Variants in NEURL1B observed in about 807,000 individuals in gnomAD.
NEURL1B encodes the protein neuralized E3 ubiquitin protein ligase 1B, also known as E3 ubiquitin-protein ligase NEURL1B.
Under a neutral mutation model 37.4 loss-of-function variants are expected in NEURL1B, and 13 were observed. The ratio of observed to expected loss-of-function variants is 0.35; its 90% confidence interval spans 0.23 to 0.55. The LOEUF (loss-of-function observed/expected upper bound fraction) is 0.55. Among genes scored for constraint, NEURL1B ranks in the 20% least tolerant of loss-of-function variants. The pLI, the probability that NEURL1B is intolerant of heterozygous loss-of-function variation, is 0.89. For synonymous variants in NEURL1B, 432 were observed against 426.6 expected (o/e 1.01, Z -0.16); for missense variants, 790 against 879.2 (o/e 0.90, Z 1.28).
chr5:172,687,245 T>C lies in NEURL1B; in HGVS notation c.*320T>C, dbSNP rs1758523369. 4.2e-6 allele frequency: 1 copy of C among 236,258 alleles called. No individual in the cohort carries two copies. Among genetic ancestry groups the C allele is most frequent in the Non-Finnish European group, 8.2e-6 (1 of 122,288 alleles). The allele number at this position is 236,258 out of a possible 1,614,324, so 14.6% of individuals were successfully genotyped here. A position where few individuals can be genotyped will look rare whatever the true frequency, so the allele number is the denominator to read the frequency against. The stretch of plus-strand genomic sequence containing the variant: ...TGCAATGCTTCTTGCTGGGGTTGGG[T>C]TGAGTGTGAGAGAAGGGGAGGGGAG... On this transcript the variant is annotated 3_prime_UTR_variant, in exon 5 of 5. Coordinates refer to ENST00000369800, the MANE Select transcript of NEURL1B (RefSeq NM_001142651.3).
Position 172,657,853 on chromosome 5 carries a change from C to G in NEURL1B, c.32-11932C>G, listed in dbSNP as rs1757824146. Among the ~76,000 whole-genome samples the G allele has an allele frequency of 6.6e-6, 1 of 152,216 alleles. No individual in the cohort carries two copies. Among genetic ancestry groups the G allele is most frequent in the Non-Finnish European group, 1.5e-5 (1 of 68,034 alleles). The stretch of plus-strand genomic sequence containing the variant: ...AATGGGCACACTCCTCGTCCACTTT[C>G]ATGTTCCTCCCATACTCCTGGTTCC... On this transcript the variant is annotated intron_variant, in intron 1 of 4. Transcript: ENST00000369800. The surrounding 1 kb of genome is among the most constrained non-coding windows in gnomAD (Gnocchi z 4.0).
In NEURL1B at chr5:172,687,200, G is replaced by T; in HGVS notation, c.*275G>T. On this transcript the variant is annotated 3_prime_UTR_variant, in exon 5 of 5. Coordinates refer to ENST00000369800, the MANE Select transcript of NEURL1B (RefSeq NM_001142651.3). ...TGTCCCTTGGTGACCTTTCAACTGG[G>T]AAACAGCGTCCTCTGTCTGTGCAAT... is the stretch of plus-strand genomic sequence containing the variant. The T allele has an allele frequency of 3.2e-6, 1 of 307,794 alleles. No individual in the cohort carries two copies. The highest frequency in any genetic ancestry group is 6.3e-6 in the Non-Finnish European group (1 of 158,312). The allele number at this position is 307,794 out of a possible 1,614,324, so 19.1% of individuals were successfully genotyped here. A position where few individuals can be genotyped will look rare whatever the true frequency, so the allele number is the denominator to read the frequency against.
At chr5:172,674,266 C>G (rs539341312) in intron 2 of NEURL1B, among the ~76,000 whole-genome samples, 1 of 152,274 alleles carries the variant, frequency 6.6e-6, no homozygotes, top group Non-Finnish European at 1.5e-5. Flanking sequence ...GCCCTCGAGC[C>G]AAAGTCTCAG....
chr5:172,686,328 G>C lies in NEURL1B; in HGVS notation c.1423+32G>C. ...AAATGCAAACCCTGGCAGGGGCAGG[G>C]GCTGGCGGCTGGCCTGGCTCCTCCG... On this transcript the variant is annotated intron_variant, in intron 4 of 4. Coordinates refer to ENST00000369800, the MANE Select transcript of NEURL1B (RefSeq NM_001142651.3). This position sits in a 1 kb window ranked among gnomAD's most constrained non-coding sequence, Gnocchi z 7.9. 6.5e-7 allele frequency: 1 copy of C among 1,548,948 alleles called. No individual in the cohort carries two copies. The highest frequency in any genetic ancestry group is 8.7e-7 in the Non-Finnish European group (1 of 1,145,454).
Position 172,683,412 on chromosome 5 carries a change from C to T in NEURL1B, c.578-7C>T, listed in dbSNP as rs1158665483. 4 of 1,342,108 alleles carry T rather than the reference C, an allele frequency of 3.0e-6. No individual in the cohort carries two copies. In the South Asian group the frequency reaches 7.0e-5, roughly 24 times the overall value. 83.1% of individuals were successfully genotyped at this position (1,342,108 alleles called of 1,614,324 possible). On this transcript the variant is annotated splice_region_variant and splice_polypyrimidine_tract_variant and intron_variant, in intron 2 of 4. Coordinates refer to ENST00000369800, the MANE Select transcript of NEURL1B (RefSeq NM_001142651.3). This position sits in a 1 kb window ranked among gnomAD's most constrained non-coding sequence, Gnocchi z 5.6. ...CCCCCTCCATGTCCCTCCCTTTGTC[C>T]GCACAGAGAGCGCCTTCGCTGACAC...
At chr5:172,649,320 C>A (rs115111659) in intron 1 of NEURL1B, among the ~76,000 whole-genome samples, 1 of 148,326 alleles carries the variant, frequency 6.7e-6, no homozygotes, top group Non-Finnish European at 1.5e-5. Flanking sequence ...GCCCATCTGC[C>A]GAACTCCTGC....
intron 1 of NEURL1B, among the ~76,000 whole-genome samples, chr5:172,648,131 C>G (rs539815552): frequency 4.6e-5 from 7 of 152,330 alleles, no homozygotes; most frequent in Admixed American, 3.3e-4. Context: ...GGAGTCCTTC[C>G]TTCTCGGGTC....
At chr5:172,642,206 G>A (rs1334436968) in intron 1 of NEURL1B, among the ~76,000 whole-genome samples, 1 of 152,182 alleles carries the variant, frequency 6.6e-6, no homozygotes, top group Non-Finnish European at 1.5e-5. Flanking sequence ...GCATACCCCA[G>A]CTCGGTATGC....
chr5:172,684,079 A>T lies in NEURL1B; in HGVS notation c.1238A>T (p.Gln413Leu). 7.6e-7 allele frequency: 1 copy of T among 1,314,744 alleles called. No homozygotes were observed. The highest frequency in any genetic ancestry group is 1.9e-5 in the South Asian group (1 of 51,756). The allele number at this position is 1,314,744 out of a possible 1,614,324, so 81.4% of individuals were successfully genotyped here. The change falls in exon 3 of 5, where the codon CAG becomes CTG. Residue 413 changes from glutamine (Q) to leucine (L), a missense_variant. Physicochemically the swap from Gln to Leu is moderately radical, Grantham distance 113. Coordinates refer to ENST00000369800, the MANE Select transcript of NEURL1B (RefSeq NM_001142651.3). ...RGRLLCVDTT[Q>L]ALWAFFAVRG... ...CGCCTGCTGTGCGTCGACACCACGC[A>T]GGCGCTCTGGGCCTTCTTCGCCGTG... is the stretch of plus-strand genomic sequence containing the variant.
chr5:172,677,377 GGTGCATCGTGATCCCACT>G (rs1758250579), intron 2 of NEURL1B, among the ~76,000 whole-genome samples: 1 of 152,134 alleles, frequency 6.6e-6, no homozygotes, highest in South Asian at 2.1e-4. Context: ...CACGGAGCTG[GGTGCATCGTGATCCCACT>G]GTTCTGCCCT....
At position 172,683,740 on chromosome 5, in the gene NEURL1B, G is replaced by A; in HGVS notation, c.899G>A (p.Cys300Tyr). ...CTGTCGGCCGACCGCAAAGTGGCCT[G>A]CGCACCGCGGCCCGACGGCGGCCGC... ...VSLSADRKVA[C>Y]APRPDGGRTL... is the part of the protein sequence containing the mutation. Residue 300 changes from cysteine to tyrosine, a missense_variant, in exon 3 of 5, where the codon TGC becomes TAC. This residue lies in a region of NEURL1B where 460 missense variants were observed against 407.4 expected (regional missense o/e 1.13). Coordinates refer to ENST00000369800, the MANE Select transcript of NEURL1B (RefSeq NM_001142651.3). The surrounding 1 kb of genome is among the most constrained non-coding windows in gnomAD (Gnocchi z 5.6). The A allele has an allele frequency of 7.5e-7, 1 of 1,330,110 alleles. No homozygotes were observed. The allele number at this position is 1,330,110 out of a possible 1,614,324, so 82.4% of individuals were successfully genotyped here. A position where few individuals can be genotyped will look rare whatever the true frequency, so the allele number is the denominator to read the frequency against.
intron 1 of NEURL1B, among the ~76,000 whole-genome samples, chr5:172,663,829 T>TTTTTATTATTATTATTATTATTATTA (rs138220033): frequency 7.1e-6 from 1 of 140,826 alleles, no homozygotes; most frequent in South Asian, 2.3e-4. Context: ...GTTTTATTTG[T>TTTTTATTATTATTATTATTATTATTA]TTATTATTAT....
chr5:172,677,763 C>A (rs1758267497), intron 2 of NEURL1B, among the ~76,000 whole-genome samples: 1 of 152,156 alleles, frequency 6.6e-6, no homozygotes, highest in South Asian at 2.1e-4. Flanking sequence ...ACTTCCTCCG[C>A]CTCCACGGAA....
At chr5:172,684,184 C>T (rs1758433924) in intron 3 of NEURL1B, 46 bp downstream of exon 3, 1 of 1,185,144 alleles carries the variant, frequency 8.4e-7, no homozygotes, top group South Asian at 3.9e-5. Context: ...CCTCCCCCGT[C>T]CCGTGCCGTC....
At chr5:172,660,910 C>T (rs752707176) in intron 1 of NEURL1B, among the ~76,000 whole-genome samples, 11 of 152,118 alleles carry the variant, frequency 7.2e-5, no homozygotes, top group South Asian at 2.1e-4. Context: ...AGATTACAGG[C>T]GTGAGCCACC....
At chr5:172,643,659 A>T (rs1757508994) in intron 1 of NEURL1B, among the ~76,000 whole-genome samples, 2 of 152,194 alleles carry the variant, frequency 1.3e-5, no homozygotes. Flanking sequence ...GCAAGGGCTC[A>T]AAAACTGGTG....
rs188638357 is a variant in NEURL1B, at chr5:172,685,287, C to T, written c.1298-884C>T. Among the ~76,000 whole-genome samples, 54 of 152,206 alleles carry T rather than the reference C, an allele frequency of 3.5e-4. No homozygotes were observed. The East Asian group carries it at 7.0e-3, about 20-fold the overall frequency. On this transcript the variant is annotated intron_variant, in intron 3 of 4. Coordinates refer to ENST00000369800, the MANE Select transcript of NEURL1B (RefSeq NM_001142651.3). Reference sequence around the variant, plus strand: ...GTCTTCATGAGGGCAGAGGAGGAGCCGGGTGGCAGTGTGGTTATTTGGTCA... The same window carrying T: ...GTCTTCATGAGGGCAGAGGAGGAGCTGGGTGGCAGTGTGGTTATTTGGTCA...
intron 1 of NEURL1B, among the ~76,000 whole-genome samples, chr5:172,646,026 T>A (rs1481245005): frequency 6.6e-6 from 1 of 152,234 alleles, no homozygotes; most frequent in Non-Finnish European, 1.5e-5. Context: ...TTTGTTTCAG[T>A]TGCGCATGCG....
rs553598119 is a variant in NEURL1B, at chr5:172,675,268, T to A, written c.577+4938T>A. 2.2e-3 allele frequency among the ~76,000 whole-genome samples: 339 copies of A among 152,320 alleles called. 1 individual carries two copies. Among genetic ancestry groups the A allele is most frequent in the African/African-American group, 7.6e-3 (316 of 41,554 alleles). On this transcript the variant is annotated intron_variant, in intron 2 of 4. Transcript: ENST00000369800. This position sits in a 1 kb window ranked among gnomAD's most constrained non-coding sequence, Gnocchi z 4.7. The stretch of plus-strand genomic sequence containing the variant: ...CCTTATTCTGTTTTTCTTTTTCCAC[T>A]CACCCTTCTTTAGGATCTATCTGTA...
Sources: gnomAD v4.1 joint callset for allele counts (sites outside exome capture counted in the v4.1 genomes callset) on GRCh38, gnomAD v4.1.1 for gene constraint, gnomAD v4.1.1 regional missense constraint, Gnocchi (gnomAD v3.1) non-coding constraint, MANE v1.5 for transcripts, NCBI Gene and HGNC (gene_info 2026-07-23, HGNC 2026-07-21) for gene names.